Variants in AMBRA1 observed in about 807,000 individuals in gnomAD.
AMBRA1 encodes the protein autophagy and beclin 1 regulator 1.
In AMBRA1, 47 loss-of-function variants were observed where a neutral mutation model predicts 125.4. That is an observed-to-expected ratio of 0.37 (90% CI 0.30 to 0.48). AMBRA1 has a LOEUF of 0.48. AMBRA1 is among the 20% of genes least tolerant of loss of function. The pLI is 0.99. For synonymous variants in AMBRA1, 626 were observed against 655.5 expected, an observed-to-expected ratio of 0.95 and a Z score of 0.69; for missense variants, 1,331 against 1,693.4, an observed-to-expected ratio of 0.79 and a Z score of 3.76.
chr11:46,401,082 CT>C (rs1945732319), intron 17 of AMBRA1, among the ~76,000 whole-genome samples: 1 of 152,160 alleles, frequency 6.6e-6, no homozygotes, highest in Admixed American at 6.5e-5. Context: ...CAAGGGCTGC[CT>C]GGGGAGGTCC....
chr11:46,522,304 T>C (rs932323313), intron 7 of AMBRA1, among the ~76,000 whole-genome samples: 2 of 152,330 alleles, frequency 1.3e-5, no homozygotes, highest in South Asian at 2.1e-4. Context: ...CACATTACAC[T>C]ATAGTTGTAA....
In AMBRA1 at chr11:46,545,794, C is replaced by T. The variant is rs758718486; in HGVS notation, c.379-18G>A. On this transcript the variant is annotated intron_variant, in intron 4 of 17. Coordinates refer to ENST00000683756, the MANE Select transcript of AMBRA1 (RefSeq NM_001387011.1). ...CTGCCACCCTGTGAATGAACCAATTCCAGATATTCTCAGGTTACAAGCTAC... is the reference window on the plus strand; with the variant it reads ...CTGCCACCCTGTGAATGAACCAATTTCAGATATTCTCAGGTTACAAGCTAC... 1.2e-6 allele frequency: 2 copies of T among 1,611,930 alleles called. No individual in the cohort carries two copies. The highest frequency in any genetic ancestry group is 1.7e-6 in the Non-Finnish European group (2 of 1,178,590).
intron 1 of AMBRA1, among the ~76,000 whole-genome samples, chr11:46,577,805 C>A (rs1356886613): frequency 6.6e-6 from 1 of 151,756 alleles, no homozygotes; most frequent in East Asian, 1.9e-4. Context: ...ACAAAATGTG[C>A]CGGGCATCGT....
intron 9 of AMBRA1, among the ~76,000 whole-genome samples, chr11:46,496,994 C>G (rs1018212799): frequency 1.3e-5 from 2 of 152,044 alleles, no homozygotes; most frequent in African/African-American, 4.8e-5. Flanking sequence ...CGCCTGTAAT[C>G]TCAGCTACTT....
At chr11:46,581,932 CA>C (rs1249070761) in intron 1 of AMBRA1, among the ~76,000 whole-genome samples, 1 of 151,150 alleles carries the variant, frequency 6.6e-6, no homozygotes, top group Admixed American at 6.6e-5. Context: ...GCCTAGGCAA[CA>C]TAGTGAGGCT....
chr11:46,536,448 G>A (rs1282280079), intron 7 of AMBRA1, among the ~76,000 whole-genome samples: 1 of 152,088 alleles, frequency 6.6e-6, no homozygotes, highest in East Asian at 1.9e-4. Flanking sequence ...AATAAATTGT[G>A]TATATTCCCC....
chr11:46,508,568 G>A (rs540291386), intron 8 of AMBRA1, among the ~76,000 whole-genome samples, 198 bp from the exon 9 acceptor site: 1 of 152,216 alleles, frequency 6.6e-6, no homozygotes, highest in East Asian at 1.9e-4. Context: ...CAGTGTTTCT[G>A]TTCTGAGATA....
chr11:46,579,045 T>TAAAAAAAAAA (rs11393945), intron 1 of AMBRA1, among the ~76,000 whole-genome samples: 11 of 68,032 alleles, frequency 1.6e-4, no homozygotes, highest in East Asian at 4.3e-4. Context: ...AAGAAAGCAA[T>TAAAAAAAAAA]AAAAAAAAAA....
intron 12 of AMBRA1, among the ~76,000 whole-genome samples, chr11:46,437,054 C>T (rs1336213529): frequency 6.6e-6 from 1 of 152,082 alleles, no homozygotes; most frequent in Non-Finnish European, 1.5e-5. Context: ...TGTGTGTTAA[C>T]GTTTATTTTG....
chr11:46,493,754 G>T, intron 10 of AMBRA1, 46 bp from the exon 11 acceptor site: 1 of 1,461,060 alleles, frequency 6.8e-7, no homozygotes, highest in South Asian at 1.3e-5. Context: ...AGACTACCAC[G>T]AAACAGATAC....
chr11:46,536,085 T>C (rs1952462613), intron 7 of AMBRA1, among the ~76,000 whole-genome samples: 1 of 152,248 alleles, frequency 6.6e-6, no homozygotes, highest in Non-Finnish European at 1.5e-5. Context: ...AATGATGGGA[T>C]ATAGTAATAG....
At chr11:46,407,777 T>C (rs549930038) in intron 17 of AMBRA1, among the ~76,000 whole-genome samples, 1 of 152,236 alleles carries the variant, frequency 6.6e-6, no homozygotes, top group South Asian at 2.1e-4. Flanking sequence ...TCTGGGCAAA[T>C]GGCTCAACAC....
chr11:46,420,884 A>G (rs978192512), intron 14 of AMBRA1, among the ~76,000 whole-genome samples: 7 of 152,194 alleles, frequency 4.6e-5, no homozygotes, highest in Non-Finnish European at 8.8e-5. Context: ...CCTTACGAGG[A>G]GAATAATAAG....
intron 14 of AMBRA1, chr11:46,428,764 C>A: frequency 1.2e-6 from 2 of 1,610,938 alleles, no homozygotes; most frequent in South Asian, 2.2e-5. Context: ...GCACAGCACT[C>A]CGTCTGTAGG....
intron 7 of AMBRA1, among the ~76,000 whole-genome samples, chr11:46,516,331 A>G (rs1418268681): frequency 6.6e-6 from 1 of 151,678 alleles, no homozygotes; most frequent in East Asian, 1.9e-4. Flanking sequence ...GGCTTCTCCA[A>G]TTGGTGTGGA....
At chr11:46,509,142 T>C (rs1951169482) in intron 8 of AMBRA1, among the ~76,000 whole-genome samples, 1 of 152,218 alleles carries the variant, frequency 6.6e-6, no homozygotes, top group Non-Finnish European at 1.5e-5. Context: ...GTGAGAGTTG[T>C]TCCTCTTTCT....
At chr11:46,564,144 C>CAAAAAA (rs563596004) in intron 1 of AMBRA1, among the ~76,000 whole-genome samples, 1 of 38,148 alleles carries the variant, frequency 2.6e-5, no homozygotes, top group African/African-American at 1.0e-4. Context: ...AACTCCGTCT[C>CAAAAAA]AAAAAAAAAA....
chr11:46,575,459 A>G (rs1440286552), intron 1 of AMBRA1, among the ~76,000 whole-genome samples: 1 of 151,302 alleles, frequency 6.6e-6, no homozygotes, highest in Non-Finnish European at 1.5e-5. Flanking sequence ...CTCTGTCTAA[A>G]AAAAAAAAAA....
chr11:46,412,081 G>A (rs1029300360), intron 15 of AMBRA1, among the ~76,000 whole-genome samples: 4 of 152,172 alleles, frequency 2.6e-5, no homozygotes, highest in Non-Finnish European at 4.4e-5. Flanking sequence ...GGCCTGTCAG[G>A]CTGTGGAGTT....
Sources: allele counts gnomAD v4.1 joint callset (sites outside exome capture counted in the v4.1 genomes callset), GRCh38; gene constraint gnomAD v4.1.1; transcripts MANE v1.5; gene names NCBI Gene and HGNC (gene_info 2026-07-23, HGNC 2026-07-21).